The following NRXN3 variants were observed in gnomAD, a reference collection of about 807,000 sequenced individuals.
NRXN3 encodes neurexin III.
A neutral mutation model predicts 137.6 loss-of-function variants in NRXN3; 32 were observed. The observed-to-expected ratio is 0.23, with a 90% confidence interval of 0.18 to 0.31. NRXN3 has a LOEUF of 0.31. Ranked by LOEUF, NRXN3 falls within the 10% of genes least tolerant of loss-of-function variation. The pLI, the probability that NRXN3 is intolerant of heterozygous loss-of-function variation, is 1.00. For missense variants in NRXN3, 1,574 were observed against 2,062.5 expected (o/e 0.76, Z 4.59); for synonymous variants, 798 against 784.5 (o/e 1.02, Z -0.29).
At chr14:78,843,167 A>G (rs148610648) in intron 10 of NRXN3, among the ~76,000 whole-genome samples, 3,809 of 152,218 alleles carry the variant, frequency 0.025, 162 homozygotes, top group African/African-American at 0.086. Flanking sequence ...TGCAGTAAAG[A>G]CAAGTGTAAG....
chr14:79,180,696 T>C (rs1300982388), intron 15 of NRXN3, among the ~76,000 whole-genome samples: 1 of 152,144 alleles, frequency 6.6e-6, no homozygotes, highest in African/African-American at 2.4e-5. Flanking sequence ...TATCATAAGG[T>C]ACTTGAAAAT....
At chr14:79,796,062 G>A (rs1268486102) in intron 19 of NRXN3, among the ~76,000 whole-genome samples, 1 of 152,146 alleles carries the variant, frequency 6.6e-6, no homozygotes, top group Non-Finnish European at 1.5e-5. Context: ...AGAGCTGACA[G>A]TGGAAACACA....
At chr14:78,603,672 T>C (rs2097220653) in intron 4 of NRXN3, among the ~76,000 whole-genome samples, 2 of 152,192 alleles carry the variant, frequency 1.3e-5, no homozygotes, top group African/African-American at 4.8e-5. Context: ...TGCTTCTTTG[T>C]GAATGTGGGC....
At chr14:79,387,839 C>G (rs1279386679) in intron 15 of NRXN3, among the ~76,000 whole-genome samples, 2 of 151,394 alleles carry the variant, frequency 1.3e-5, no homozygotes, top group African/African-American at 4.8e-5. Flanking sequence ...TCATTCTCAG[C>G]AAACTCTCAC....
Position 78,537,622 on chromosome 14 carries a change from C to T in NRXN3, c.758-107498C>T, listed in dbSNP as rs922348947. ...GAAACTGTTTGGTTTAATTAGATCC[C>T]ATTTGCCTATTTTGGCTTTTGTTGC... is the stretch of plus-strand genomic sequence containing the variant. On this transcript the variant is annotated intron_variant, in intron 4 of 20. Coordinates refer to ENST00000335750, the MANE Select transcript of NRXN3 (RefSeq NM_001330195.2). Among the ~76,000 whole-genome samples the T allele has an allele frequency of 2.6e-5, 4 of 152,276 alleles. No individual in the cohort carries two copies. In the South Asian group the frequency reaches 8.3e-4, roughly 32 times the overall value.
chr14:79,247,012 T>G (rs1037919527), intron 15 of NRXN3: 1 of 152,218 alleles, frequency 6.6e-6, no homozygotes, highest in African/African-American at 2.4e-5. Context: ...CAACCAAATA[T>G]GAAAATGCTT....
At chr14:78,254,011 C>T (rs1045164640) in intron 2 of NRXN3, among the ~76,000 whole-genome samples, 6 of 152,180 alleles carry the variant, frequency 3.9e-5, no homozygotes, top group Non-Finnish European at 8.8e-5. Flanking sequence ...TGGGTTGATT[C>T]TAACAGTTCT....
intron 4 of NRXN3, among the ~76,000 whole-genome samples, chr14:78,327,374 C>G (rs982107927): frequency 1.3e-5 from 2 of 152,142 alleles, no homozygotes; most frequent in African/African-American, 4.8e-5. Context: ...TGAACACTGG[C>G]TCATCTCCTG....
At chr14:79,730,709 G>A (rs529214400) in intron 19 of NRXN3, among the ~76,000 whole-genome samples, 13 of 152,262 alleles carry the variant, frequency 8.5e-5, no homozygotes, top group South Asian at 2.1e-4. Flanking sequence ...GCTCCCGAAC[G>A]AGTTATTTAT....
Position 78,636,693 on chromosome 14 carries a change from A to G in NRXN3, c.758-8427A>G, listed in dbSNP as rs1412105491. Among the ~76,000 whole-genome samples the G allele has an allele frequency of 2.0e-5, 3 of 152,232 alleles. 1 individual carries two copies. The highest frequency in any genetic ancestry group is 4.4e-5 in the Non-Finnish European group (3 of 68,044). Reference sequence around the variant, plus strand: ...AAAATGAGAAACGAATACTGAAAGAAGCATAATTACAGTTTTGCTTATATG... The same window carrying G: ...AAAATGAGAAACGAATACTGAAAGAGGCATAATTACAGTTTTGCTTATATG... On this transcript the variant is annotated intron_variant, in intron 4 of 20. Coordinates refer to ENST00000335750, the MANE Select transcript of NRXN3 (RefSeq NM_001330195.2).
intron 10 of NRXN3, among the ~76,000 whole-genome samples, chr14:78,936,469 C>T (rs2099339218): frequency 6.6e-6 from 1 of 152,090 alleles, no homozygotes; most frequent in African/African-American, 2.4e-5. Context: ...TTATATAAAT[C>T]TAAAAAATGC....
At chr14:79,280,837 A>C in intron 15 of NRXN3, 5 of 311,180 alleles carry the variant, frequency 1.6e-5, no homozygotes, top group South Asian at 4.2e-5. Context: ...TACTCTCTCC[A>C]CCCCCACGGA....
In NRXN3 at chr14:79,425,998, GGAGAGA is replaced by G. The variant is rs377144359; in HGVS notation, c.3263-41206_3263-41201del. On this transcript the variant is annotated intron_variant, in intron 15 of 20. Coordinates refer to ENST00000335750, the MANE Select transcript of NRXN3 (RefSeq NM_001330195.2). ...AGGGGATGAGAGTCTGGAGAGAAGG[GGAGAGA>G]GAGAGAGAGAGAGAGAAATAGATTC... 2.1e-4 allele frequency among the ~76,000 whole-genome samples: 32 copies of G among 149,544 alleles called. No individual in the cohort carries two copies. The East Asian group carries it at 6.1e-3, about 28-fold the overall frequency.
intron 15 of NRXN3, among the ~76,000 whole-genome samples, chr14:79,235,502 T>A: frequency 6.6e-6 from 1 of 152,150 alleles, no homozygotes; most frequent in African/African-American, 2.4e-5. Context: ...ACACCTTACA[T>A]CTGTGTCTAT....
chr14:78,887,663 A>G (rs1203586099), intron 10 of NRXN3, among the ~76,000 whole-genome samples: 1 of 152,118 alleles, frequency 6.6e-6, no homozygotes, highest in African/African-American at 2.4e-5. Flanking sequence ...ATTTTCTAAA[A>G]TACGAGTAAA....
chr14:79,012,364 A>G (rs1286388891), intron 15 of NRXN3, among the ~76,000 whole-genome samples: 2 of 152,202 alleles, frequency 1.3e-5, no homozygotes, highest in Non-Finnish European at 2.9e-5. Flanking sequence ...AAGAATGACT[A>G]GACTGAGAAG....
intron 4 of NRXN3, among the ~76,000 whole-genome samples, chr14:78,626,239 C>T (rs1299421279): frequency 6.6e-6 from 1 of 152,196 alleles, no homozygotes; most frequent in Non-Finnish European, 1.5e-5. Context: ...TGAGCTTTAA[C>T]TACAGTGCGC....
Position 79,861,877 on chromosome 14 carries a change from C to T in NRXN3, c.4629C>T (p.Ser1543=). The T allele has an allele frequency of 1.1e-5, 17 of 1,614,040 alleles. No homozygotes were observed. The highest frequency in any genetic ancestry group is 1.4e-5 in the Non-Finnish European group (17 of 1,179,968). Residue 1543 remains serine, a synonymous_variant, in exon 21 of 21, where the codon AGC becomes AGT. Transcript: ENST00000335750. The surrounding 1 kb of genome is among the most constrained non-coding windows in gnomAD (Gnocchi z 5.4). ...ACTACATCAGCAACTCCGCCCAGAGCAACGGCACGCTCATGAAGGAGAAGC... is the reference window on the plus strand; with the variant it reads ...ACTACATCAGCAACTCCGCCCAGAGTAACGGCACGCTCATGAAGGAGAAGC... ...TRNYISNSAQ[S]NGTLMKEKQQ...
chr14:79,395,199 C>T (rs1244657860), intron 15 of NRXN3, among the ~76,000 whole-genome samples: 1 of 152,112 alleles, frequency 6.6e-6, no homozygotes, highest in Non-Finnish European at 1.5e-5. Flanking sequence ...TACTGTTCTG[C>T]CAGGGTTCAT....
Sources: gnomAD v4.1 joint callset for allele counts (sites outside exome capture counted in the v4.1 genomes callset) on GRCh38, gnomAD v4.1.1 for gene constraint, Gnocchi (gnomAD v3.1) non-coding constraint, MANE v1.5 for transcripts, NCBI Gene and HGNC (gene_info 2026-07-23, HGNC 2026-07-21) for gene names.